Variants in DNMT3A observed in about 807,000 individuals in gnomAD.
DNMT3A encodes the protein DNA methyltransferase 3 alpha.
Under a neutral mutation model 117.6 loss-of-function variants are expected in DNMT3A, and 267 were observed. The observed-to-expected ratio is 2.27, with a 90% confidence interval of 2.05 to 2.51. The LOEUF (loss-of-function observed/expected upper bound fraction) is 2.51. Among genes scored for constraint, DNMT3A ranks in the 30% most tolerant of loss-of-function variants. The pLI, the probability that DNMT3A is intolerant of heterozygous loss-of-function variation, is 0.00. For missense variants in DNMT3A, 1,029 were observed against 1,260.2 expected (o/e 0.82, Z 2.78); for synonymous variants, 432 against 474.8 (o/e 0.91, Z 1.17).
intron 2 of DNMT3A, among the ~76,000 whole-genome samples, chr2:25,310,694 G>T (rs1171880098): frequency 6.6e-6 from 1 of 152,212 alleles, no homozygotes. Flanking sequence ...TGCTATTCCA[G>T]GTCCGGGGGA....
In DNMT3A at chr2:25,282,992, G is replaced by A. The variant is rs1287441898; in HGVS notation, c.178-281C>T. ...GCCAGCCTGGTTGCACTTCTCAAGG[G>A]ATCGGCTCCCCCATCCCACCGCCAC... is the stretch of plus-strand genomic sequence containing the variant. On this transcript the variant is annotated intron_variant, in intron 3 of 22. Coordinates refer to ENST00000321117, the MANE Select transcript of DNMT3A (RefSeq NM_022552.5). The surrounding 1 kb of genome is among the most constrained non-coding windows in gnomAD (Gnocchi z 5.2). Among the ~76,000 whole-genome samples, 6 of 152,074 alleles carry A rather than the reference G, an allele frequency of 3.9e-5. No homozygotes were observed. The South Asian group carries it at 6.2e-4, about 16-fold the overall frequency.
rs1489648613 is a variant in DNMT3A, at chr2:25,244,341, G to A, written c.1668-3C>T. On this transcript the variant is annotated splice_polypyrimidine_tract_variant and splice_region_variant and intron_variant, in intron 14 of 22. Transcript: ENST00000321117. ...CCACACACTCCACGCAAAAGCACCT[G>A]GAAGGAGACCCAGTGAGCAGAGGAG... is the stretch of plus-strand genomic sequence containing the variant. 1.9e-6 allele frequency: 3 copies of A among 1,600,820 alleles called. No homozygotes were observed. The highest frequency in any genetic ancestry group is 2.6e-6 in the Non-Finnish European group (3 of 1,173,846).
rs542989479 is a variant in DNMT3A, at chr2:25,246,430, C to A, written c.1280-121G>T. The A allele has an allele frequency of 3.8e-5, 55 of 1,449,986 alleles. No homozygotes were observed. The South Asian group carries it at 7.0e-4, about 18-fold the overall frequency. The allele number at this position is 1,449,986 out of a possible 1,614,324, so 89.8% of individuals were successfully genotyped here. A position where few individuals can be genotyped will look rare whatever the true frequency, so the allele number is the denominator to read the frequency against. On this transcript the variant is annotated intron_variant, in intron 10 of 22. Coordinates refer to ENST00000321117, the MANE Select transcript of DNMT3A (RefSeq NM_022552.5). Reference sequence around the variant, plus strand: ...TCCAACTTGTTCCCACCTCCCAACTCTACGGTTCTAGCCAACCAACAGAGA... The same window carrying A: ...TCCAACTTGTTCCCACCTCCCAACTATACGGTTCTAGCCAACCAACAGAGA...
At chr2:25,265,144 A>AG (rs1324514146) in intron 6 of DNMT3A, among the ~76,000 whole-genome samples, 1 of 152,200 alleles carries the variant, frequency 6.6e-6, no homozygotes, top group Non-Finnish European at 1.5e-5. Flanking sequence ...CAGCAATTCA[A>AG]GGGCAAGGGT....
chr2:25,318,698 CT>C (rs375722790), intron 1 of DNMT3A, among the ~76,000 whole-genome samples: 455 of 132,226 alleles, frequency 3.4e-3, no homozygotes, highest in African/African-American at 5.2e-3. Flanking sequence ...TTTTTCTTTT[CT>C]TTTTTTTTTT....
intron 2 of DNMT3A, among the ~76,000 whole-genome samples, chr2:25,300,893 G>T (rs900145272): frequency 4.7e-5 from 7 of 149,126 alleles, no homozygotes; most frequent in African/African-American, 1.2e-4. Context: ...TAAAGGATTT[G>T]AGTTAAAAGT....
At position 25,304,323 on chromosome 2, in the gene DNMT3A, T is replaced by C. The variant is rs1157608334; in HGVS notation, c.73-4080A>G. On this transcript the variant is annotated intron_variant, in intron 2 of 22. Coordinates refer to ENST00000321117, the MANE Select transcript of DNMT3A (RefSeq NM_022552.5). This position sits in a 1 kb window ranked among gnomAD's most constrained non-coding sequence, Gnocchi z 4.3. ...TGGGATGATATCTACTTCACAGTGA[T>C]GTTATAAGAATTAAATGAGGTGATG... Among the ~76,000 whole-genome samples the C allele has an allele frequency of 2.6e-5, 4 of 152,180 alleles. No individual in the cohort carries two copies. In the East Asian group the frequency reaches 7.7e-4, roughly 29 times the overall value.
intron 1 of DNMT3A, among the ~76,000 whole-genome samples, chr2:25,316,041 A>T (rs2034364712): frequency 6.6e-6 from 1 of 152,194 alleles, no homozygotes; most frequent in African/African-American, 2.4e-5. Flanking sequence ...GACCCCTTCT[A>T]TTAATAGCTC....
At chr2:25,335,637 C>T (rs1001262383) in intron 1 of DNMT3A, among the ~76,000 whole-genome samples, 4 of 152,238 alleles carry the variant, frequency 2.6e-5, no homozygotes, top group South Asian at 4.1e-4. Context: ...CCTCCCCTTT[C>T]ATTATAGTAA....
chr2:25,261,000 A>G (rs1676553001), intron 6 of DNMT3A, among the ~76,000 whole-genome samples: 1 of 152,048 alleles, frequency 6.6e-6, no homozygotes, highest in African/African-American at 2.4e-5. Context: ...CTCTGTCTCA[A>G]AAATTAACGT....
Position 25,237,415 on chromosome 2 carries a change from G to A in DNMT3A, c.2409-410C>T, listed in dbSNP as rs559369432. ...TCTTGATTTGTGGTGATTGTTACAC[G>A]GGTGTGTCCACTGGATGAAATTAAT... On this transcript the variant is annotated intron_variant, in intron 20 of 22. Transcript: ENST00000321117. This position sits in a 1 kb window ranked among gnomAD's most constrained non-coding sequence, Gnocchi z 5.4. 4.4e-4 allele frequency among the ~76,000 whole-genome samples: 67 copies of A among 152,280 alleles called. No homozygotes were observed. The highest frequency in any genetic ancestry group is 1.7e-3 in the South Asian group (8 of 4,824).
intron 16 of DNMT3A, among the ~76,000 whole-genome samples, chr2:25,243,357 T>C (rs1268482428): frequency 6.6e-6 from 1 of 151,346 alleles, no homozygotes; most frequent in Non-Finnish European, 1.5e-5. Flanking sequence ...AATCATAATA[T>C]AATAAATGCA....
At chr2:25,302,455 G>A (rs1237182807) in intron 2 of DNMT3A, among the ~76,000 whole-genome samples, 2 of 152,224 alleles carry the variant, frequency 1.3e-5, no homozygotes, top group African/African-American at 4.8e-5. Context: ...AGGATGCCAG[G>A]GGACTGGGGA....
rs1229123655 is a variant in DNMT3A, at chr2:25,306,925, CAT to C, written c.73-6684_73-6683del. On this transcript the variant is annotated intron_variant, in intron 2 of 22. Transcript: ENST00000321117. The surrounding 1 kb of genome is among the most constrained non-coding windows in gnomAD (Gnocchi z 4.1). ...CCACTTCCATGGCACCAAGCCCACA[CAT>C]GTCTGCTCCTTCAGTAGCACACCCA... 9.2e-5 allele frequency among the ~76,000 whole-genome samples: 14 copies of C among 152,236 alleles called. No homozygotes were observed. The highest frequency in any genetic ancestry group is 1.5e-4 in the Non-Finnish European group (10 of 68,042).
At chr2:25,246,379 T>TC in intron 10 of DNMT3A, 70 bp from the exon 11 acceptor site, 1 of 1,531,450 alleles carries the variant, frequency 6.5e-7, no homozygotes, top group South Asian at 1.3e-5. Flanking sequence ...TCCCCCACCC[T>TC]CCTTACAGTG....
chr2:25,314,165 T>C lies in DNMT3A; in HGVS notation c.-177-4A>G, dbSNP rs547285653. Reference sequence around the variant, plus strand: ...GTGGGGGCTTCGATGGCTCCACCTGTGGGGGAGAGAAGAGGATCAGTGGGG... The same window carrying C: ...GTGGGGGCTTCGATGGCTCCACCTGCGGGGGAGAGAAGAGGATCAGTGGGG... On this transcript the variant is annotated splice_region_variant and splice_polypyrimidine_tract_variant and intron_variant, in intron 1 of 22. Coordinates refer to ENST00000321117, the MANE Select transcript of DNMT3A (RefSeq NM_022552.5). 1.3e-5 allele frequency: 19 copies of C among 1,423,028 alleles called. No homozygotes were observed. Among genetic ancestry groups the C allele is most frequent in the Non-Finnish European group, 1.6e-5 (17 of 1,092,344 alleles). The allele number at this position is 1,423,028 out of a possible 1,614,324, so 88.2% of individuals were successfully genotyped here.
In DNMT3A at chr2:25,286,844, C is replaced by T. The variant is rs888378440; in HGVS notation, c.178-4133G>A. Among the ~76,000 whole-genome samples, 1 of 152,168 alleles carries T rather than the reference C, an allele frequency of 6.6e-6. No individual in the cohort carries two copies. Among genetic ancestry groups the T allele is most frequent in the African/African-American group, 2.4e-5 (1 of 41,430 alleles). On this transcript the variant is annotated intron_variant, in intron 3 of 22. Transcript: ENST00000321117. This position sits in a 1 kb window ranked among gnomAD's most constrained non-coding sequence, Gnocchi z 4.3. ...CCCCAGCCAGGCCTGGCCTCTTCTG[C>T]CCCCAACTCCATGTCCTCCTCCCAG...
chr2:25,262,344 C>A (rs919269531), intron 6 of DNMT3A, among the ~76,000 whole-genome samples: 47 of 152,270 alleles, frequency 3.1e-4, no homozygotes, highest in Admixed American at 3.1e-3. Context: ...AGATAACACA[C>A]ACAAACACTA....
In DNMT3A at chr2:25,246,658, A is replaced by G. The variant is rs1258189576; in HGVS notation, c.1241T>C (p.Phe414Ser). Residue 414 changes from phenylalanine to serine, a missense_variant, in exon 10 of 23, where the codon TTC becomes TCC. Physicochemically the swap from Phe to Ser is radical, Grantham distance 155. Transcript: ENST00000321117. The part of the protein sequence containing the change: ...KPMIEWALGG[F>S]QPSGPKGLEP... ...CAGGCCCTTAGGGCCAGAAGGCTGG[A>G]AGCCCCCCAGGGCCCATTCAATCAT... The G allele has an allele frequency of 1.2e-6, 2 of 1,613,270 alleles. No individual in the cohort carries two copies. The highest frequency in any genetic ancestry group is 1.3e-5 in the African/African-American group (1 of 74,912).
Sources: gnomAD v4.1 joint callset for allele counts (sites outside exome capture counted in the v4.1 genomes callset) on GRCh38, gnomAD v4.1.1 for gene constraint, Gnocchi (gnomAD v3.1) non-coding constraint, MANE v1.5 for transcripts, NCBI Gene and HGNC (gene_info 2026-07-23, HGNC 2026-07-21) for gene names.